Variants in ASPH observed in about 807,000 individuals in gnomAD.
The protein encoded by ASPH is aspartyl/asparaginyl beta-hydroxylase.
Under a neutral mutation model 118.4 loss-of-function variants are expected in ASPH, and 100 were observed. The observed-to-expected ratio is 0.84, with a 90% CI of 0.72 to 1.00. The LOEUF is 1.00. ASPH is among the 50% of genes least tolerant of loss of function. ASPH has a pLI of 0.00. For missense variants in ASPH, 920 were observed against 919.5 expected, an observed-to-expected ratio of 1.00 and a Z score of -0.01; for synonymous variants, 315 against 325.6, an observed-to-expected ratio of 0.97 and a Z score of 0.35.
chr8:61,533,988 C>T (rs926177699), intron 21 of ASPH, among the ~76,000 whole-genome samples: 3 of 152,154 alleles, frequency 2.0e-5, no homozygotes, highest in African/African-American at 7.2e-5. Flanking sequence ...GCTCTTGTTG[C>T]CCAGGCTAGA....
chr8:61,533,903 G>A lies in ASPH; in HGVS notation c.1765-7791C>T, dbSNP rs546982851. The stretch of plus-strand genomic sequence containing the variant: ...TTGTCATTTAAGTGAGGTTTCAGGT[G>A]GGGGGTGCTATTAAATGCATGTGCT... On this transcript the variant is annotated intron_variant, in intron 21 of 24. Coordinates refer to ENST00000379454, the MANE Select transcript of ASPH (RefSeq NM_004318.4). Among the ~76,000 whole-genome samples the A allele has an allele frequency of 7.9e-5, 12 of 152,258 alleles. No homozygotes were observed. In the South Asian group the frequency reaches 2.3e-3, roughly 29 times the overall value.
intron 3 of ASPH, chr8:61,656,282 G>A (rs1813637749): frequency 6.6e-6 from 1 of 152,204 alleles, no homozygotes; most frequent in Non-Finnish European, 1.5e-5. Context: ...GGTTGGGTAG[G>A]AAGGAAATTT....
rs118053938 is a variant in ASPH at position 61,619,139 on chromosome 8, T to C, written c.935-120A>G. ...AATCAAAGAAAAATATATCTGAGCA[T>C]ACAATTCAATTTTCCTAAATCCTGA... On this transcript the variant is annotated intron_variant, in intron 13 of 24. Coordinates refer to ENST00000379454, the MANE Select transcript of ASPH (RefSeq NM_004318.4). The C allele has an allele frequency of 0.033, 20,806 of 625,958 alleles. 440 individuals carry two copies. The highest frequency in any genetic ancestry group is 0.042 in the Non-Finnish European group (16,177 of 382,840). 38.8% of individuals were successfully genotyped at this position (625,958 alleles called of 1,614,324 possible). A position where few individuals can be genotyped will look rare whatever the true frequency, so the allele number is the denominator to read the frequency against.
At chr8:61,659,691 T>C (rs1815736103) in intron 3 of ASPH, 1 of 152,234 alleles carries the variant, frequency 6.6e-6, no homozygotes, top group Non-Finnish European at 1.5e-5. Context: ...CAAAGACTGT[T>C]ATTGAGGAAT....
intron 3 of ASPH, among the ~76,000 whole-genome samples, chr8:61,655,360 T>C (rs753597341): frequency 2.6e-5 from 4 of 152,170 alleles, no homozygotes; most frequent in Non-Finnish European, 5.9e-5. Flanking sequence ...TTCAGTGTCA[T>C]AAGTCTAGTT....
At chr8:61,575,762 GA>G (rs1477920177) in intron 16 of ASPH, among the ~76,000 whole-genome samples, 1 of 152,144 alleles carries the variant, frequency 6.6e-6, no homozygotes, top group Non-Finnish European at 1.5e-5. Context: ...AGACAATTCT[GA>G]GCTGGCCAGT....
chr8:61,549,556 T>G (rs536924470), intron 20 of ASPH, among the ~76,000 whole-genome samples: 9 of 152,312 alleles, frequency 5.9e-5, no homozygotes, highest in Non-Finnish European at 1.2e-4. Flanking sequence ...TTCCTTACAA[T>G]ACATGTAAGT....
At chr8:61,534,920 T>G (rs1818923411) in intron 21 of ASPH, among the ~76,000 whole-genome samples, 1 of 152,222 alleles carries the variant, frequency 6.6e-6, no homozygotes, top group African/African-American at 2.4e-5. Flanking sequence ...AAGACCAAGG[T>G]CAGCAAGTTT....
At chr8:61,525,325 A>C (rs537234874) in intron 22 of ASPH, among the ~76,000 whole-genome samples, 6 of 151,750 alleles carry the variant, frequency 4.0e-5, no homozygotes, top group African/African-American at 1.5e-4. Flanking sequence ...AGATAGATGA[A>C]TATATCAATT....
intron 13 of ASPH, chr8:61,623,728 G>A (rs1295135544): frequency 6.6e-6 from 1 of 152,098 alleles, no homozygotes; most frequent in Non-Finnish European, 1.5e-5. Flanking sequence ...GCACTCTCAT[G>A]TTTATTGCAC....
In ASPH at chr8:61,638,379, CAG is replaced by C. The variant is rs762192019; in HGVS notation, c.791-18_791-17del. 1.5e-6 allele frequency: 2 copies of C among 1,309,186 alleles called. No homozygotes were observed. The highest frequency in any genetic ancestry group is 4.2e-5 in the Admixed American group (2 of 48,060). 81.1% of individuals were successfully genotyped at this position (1,309,186 alleles called of 1,614,324 possible). ...TCATATACTGCTAAAAAAAAAAAAA[CAG>C]AAACAAAATCCCGTAACTTTCATTG... is the stretch of plus-strand genomic sequence containing the variant. On this transcript the variant is annotated splice_polypyrimidine_tract_variant and intron_variant, in intron 10 of 24. Transcript: ENST00000379454.
chr8:61,665,210 T>A (rs769743538), intron 3 of ASPH: 4 of 1,531,582 alleles, frequency 2.6e-6, no homozygotes, highest in Non-Finnish European at 3.5e-6. Flanking sequence ...CAAACTGCAA[T>A]CTGGAACATG....
intron 1 of ASPH, among the ~76,000 whole-genome samples, chr8:61,699,937 T>C (rs1834840981): frequency 6.6e-6 from 1 of 152,064 alleles, no homozygotes; most frequent in African/African-American, 2.4e-5. Flanking sequence ...CAGAGAAAGG[T>C]GACGGCTACA....
intron 3 of ASPH, chr8:61,665,326 A>G (rs189538264): frequency 6.8e-6 from 11 of 1,611,358 alleles, no homozygotes; most frequent in Non-Finnish European, 7.6e-6. Context: ...CCTTTCTGTC[A>G]TCTTTGTCTC....
chr8:61,516,506 C>T (rs189815451), intron 24 of ASPH, among the ~76,000 whole-genome samples: 14 of 152,252 alleles, frequency 9.2e-5, no homozygotes, highest in Non-Finnish European at 2.1e-4. Flanking sequence ...AACACTCATC[C>T]TCCACTCAGA....
chr8:61,526,207 G>C, intron 21 of ASPH, 95 bp from the exon 22 acceptor site: 2 of 1,488,570 alleles, frequency 1.3e-6, no homozygotes, highest in South Asian at 1.2e-5. Flanking sequence ...TCTCAGAAAG[G>C]AACTAATTCT....
intron 14 of ASPH, among the ~76,000 whole-genome samples, chr8:61,603,004 C>T (rs1461070486): frequency 1.3e-5 from 2 of 151,702 alleles, no homozygotes; most frequent in East Asian, 3.9e-4. Context: ...ACCAGTCTGG[C>T]CAACATGGTG....
chr8:61,535,394 A>G (rs1352773456), intron 21 of ASPH, among the ~76,000 whole-genome samples: 1 of 152,230 alleles, frequency 6.6e-6, no homozygotes, highest in Non-Finnish European at 1.5e-5. Context: ...GAACAAAACA[A>G]CTCTTAGGGT....
In ASPH at chr8:61,714,321, G is replaced by A; in HGVS notation, c.51C>T (p.Gly17=). 6.6e-7 allele frequency: 1 copy of A among 1,519,630 alleles called. No homozygotes were observed. The highest frequency in any genetic ancestry group is 1.2e-5 in the South Asian group (1 of 81,312). 94.1% of individuals were successfully genotyped at this position (1,519,630 alleles called of 1,614,324 possible). The change falls in exon 1 of 25, where the codon GGC becomes GGT. Residue 17 remains glycine, a synonymous_variant. Transcript: ENST00000379454. ...CCGCACTCGTGCTACCGCTGCCGGA[G>A]CCGCTGCTGCTGCTGTTGCCGCTGC... The part of the protein sequence containing the change: ...AKSSGNSSSS[G]SGSGSTSAGS...
Sources: gnomAD v4.1 joint callset for allele counts (sites outside exome capture counted in the v4.1 genomes callset) on GRCh38, gnomAD v4.1.1 for gene constraint, MANE v1.5 for transcripts, NCBI Gene and HGNC (gene_info 2026-07-23, HGNC 2026-07-21) for gene names.